Variants in SCYL2 observed in about 807,000 individuals in gnomAD.
The protein encoded by SCYL2 is SCY1-like protein 2.
In SCYL2, 36 loss-of-function variants were observed where a neutral mutation model predicts 100.4. That is an observed-to-expected ratio of 0.36 (90% CI 0.27 to 0.47). The LOEUF is 0.47. Among genes scored for constraint, SCYL2 ranks in the 20% least tolerant of loss-of-function variants. The pLI, the probability that SCYL2 is intolerant of heterozygous loss-of-function variation, is 1.00. For synonymous variants in SCYL2, 330 were observed against 359.2 expected (o/e 0.92, Z 0.92); for missense variants, 902 against 1,083.9 (o/e 0.83, Z 2.36).
At chr12:100,337,294 A>G (rs112549032) in intron 16 of SCYL2, 93 bp from the exon 17 acceptor site, 1 of 1,497,434 alleles carries the variant, frequency 6.7e-7, no homozygotes, top group Non-Finnish European at 9.0e-7. Context: ...TCAGTGAAGT[A>G]GTAAGATGTA....
chr12:100,283,735 C>T (rs1200261947), intron 2 of SCYL2, among the ~76,000 whole-genome samples: 2 of 152,186 alleles, frequency 1.3e-5, no homozygotes, highest in Non-Finnish European at 2.9e-5. Context: ...GCATTATTTG[C>T]TACTTTTCCG....
chr12:100,268,215 G>T (rs1371117647), intron 1 of SCYL2, among the ~76,000 whole-genome samples: 1 of 152,166 alleles, frequency 6.6e-6, no homozygotes, highest in Non-Finnish European at 1.5e-5. Context: ...GGAATTATTT[G>T]TGATGACACT....
intron 2 of SCYL2, among the ~76,000 whole-genome samples, chr12:100,286,084 T>C (rs2096304170): frequency 6.6e-6 from 1 of 152,192 alleles, no homozygotes; most frequent in Non-Finnish European, 1.5e-5. Flanking sequence ...GTTTAAATAA[T>C]TTCTAATAAA....
In SCYL2 at chr12:100,327,895, TGG is replaced by T. The variant is rs754789976; in HGVS notation, c.1642+1143_1642+1144del. 1.2e-3 allele frequency among the ~76,000 whole-genome samples: 181 copies of T among 152,126 alleles called. 3 individuals carry two copies. The highest frequency in any genetic ancestry group is 1.6e-3 in the Admixed American group (25 of 15,264). On this transcript the variant is annotated intron_variant, in intron 12 of 17. Coordinates refer to ENST00000360820, the MANE Select transcript of SCYL2 (RefSeq NM_017988.6). ...GCAGAAACTGCTCAGTAAATATTTG[TGG>T]GAATGGTTAGCAAGTATTTATTGTG...
intron 1 of SCYL2, among the ~76,000 whole-genome samples, chr12:100,268,637 A>G (rs2096283029): frequency 1.3e-5 from 2 of 152,294 alleles, no homozygotes; most frequent in South Asian, 4.1e-4. Flanking sequence ...ATTCATAAAT[A>G]CCCAGTAAAA....
At chr12:100,294,180 G>A (rs1259773246) in intron 3 of SCYL2, among the ~76,000 whole-genome samples, 2 of 144,942 alleles carry the variant, frequency 1.4e-5, no homozygotes, top group Admixed American at 6.8e-5. Flanking sequence ...CCTCCCTCCC[G>A]GAAGGGGTGG....
chr12:100,333,985 AG>A (rs1005862228), intron 13 of SCYL2, 180 bp from the exon 14 acceptor site: 2 of 482,622 alleles, frequency 4.1e-6, no homozygotes, highest in African/African-American at 3.9e-5. Context: ...ATATTATAAA[AG>A]CTTGCTATGA....
chr12:100,294,080 G>A (rs2096313946), intron 3 of SCYL2, among the ~76,000 whole-genome samples: 1 of 150,322 alleles, frequency 6.7e-6, no homozygotes, highest in Admixed American at 6.6e-5. Flanking sequence ...GGGCAGAGGG[G>A]CTCCTCACTT....
In SCYL2 at chr12:100,268,553, C is replaced by T. The variant is rs1167782689; in HGVS notation, c.-29+761C>T. ...GGGGGATTGTGTAAAGGAAGGGAACCTAATGGAAGGTAAGGGCCTTCATTC... is the reference window on the plus strand; with the variant it reads ...GGGGGATTGTGTAAAGGAAGGGAACTTAATGGAAGGTAAGGGCCTTCATTC... On this transcript the variant is annotated intron_variant, in intron 1 of 17. Transcript: ENST00000360820. Among the ~76,000 whole-genome samples the T allele has an allele frequency of 4.6e-5, 7 of 152,122 alleles. No individual in the cohort carries two copies. In the East Asian group the frequency reaches 1.3e-3, roughly 29 times the overall value.
chr12:100,317,650 ATT>A (rs367880171), intron 9 of SCYL2, 151 bp from the exon 10 acceptor site: 15 of 1,405,274 alleles, frequency 1.1e-5, no homozygotes, highest in African/African-American at 1.0e-4. Flanking sequence ...AAGAGACTTG[ATT>A]TGTGTGTTTT....
intron 13 of SCYL2, among the ~76,000 whole-genome samples, chr12:100,332,049 T>C (rs745542589): frequency 6.6e-6 from 1 of 152,090 alleles, no homozygotes; most frequent in Non-Finnish European, 1.5e-5. Context: ...TGAAAAGATA[T>C]AAAGCAAAAT....
At chr12:100,274,589 C>G (rs189994581) in intron 1 of SCYL2, among the ~76,000 whole-genome samples, 3 of 152,272 alleles carry the variant, frequency 2.0e-5, no homozygotes, top group Non-Finnish European at 4.4e-5. Context: ...GTGGCTTTCT[C>G]ATAGAATTAA....
intron 3 of SCYL2, among the ~76,000 whole-genome samples, chr12:100,294,507 GGGCTGACTCCCCCA>G (rs1428480963): frequency 0.14 from 14,314 of 101,524 alleles, 1,642 homozygotes; most frequent in African/African-American, 0.17. Flanking sequence ...GCCAGGCGGG[GGGCTGACTCCCCCA>G]GGCTGACTCC....
intron 2 of SCYL2, among the ~76,000 whole-genome samples, chr12:100,289,441 T>C (rs984778581): frequency 3.9e-5 from 6 of 152,208 alleles, no homozygotes; most frequent in African/African-American, 1.4e-4. Context: ...TAATATAATA[T>C]TTGTCTCGTA....
chr12:100,300,036 CTT>C (rs1231571592), intron 4 of SCYL2, among the ~76,000 whole-genome samples: 1 of 152,250 alleles, frequency 6.6e-6, no homozygotes, highest in Non-Finnish European at 1.5e-5. Flanking sequence ...TCTTTGGTCT[CTT>C]TGGTATCAGT....
At chr12:100,269,164 AT>A (rs2096284337) in intron 1 of SCYL2, among the ~76,000 whole-genome samples, 1 of 152,168 alleles carries the variant, frequency 6.6e-6, no homozygotes, top group African/African-American at 2.4e-5. Context: ...ACACATTAAC[AT>A]GCCCTACAAG....
At chr12:100,325,656 A>G (rs2096360858) in intron 11 of SCYL2, among the ~76,000 whole-genome samples, 1 of 151,292 alleles carries the variant, frequency 6.6e-6, no homozygotes, top group African/African-American at 2.4e-5. Context: ...GAGTTAGGTA[A>G]AATCCTCCAA....
intron 3 of SCYL2, 100 bp downstream of exon 3, chr12:100,291,760 C>T (rs1353786273): frequency 2.6e-6 from 3 of 1,168,030 alleles, no homozygotes; most frequent in Non-Finnish European, 3.6e-6. Flanking sequence ...GTGAAAAATT[C>T]TTATACTCTA....
At chr12:100,323,695 AT>A in intron 11 of SCYL2, 57 bp downstream of exon 11, 1 of 905,078 alleles carries the variant, frequency 1.1e-6, no homozygotes. Flanking sequence ...GCTTTAAATC[AT>A]TTTCTTATTG....
Sources: allele counts gnomAD v4.1 joint callset (sites outside exome capture counted in the v4.1 genomes callset), GRCh38; gene constraint gnomAD v4.1.1; transcripts MANE v1.5; gene names NCBI Gene and HGNC (gene_info 2026-07-23, HGNC 2026-07-21).